C8orf34: variants seen among roughly 807,000 people sequenced by gnomAD.
C8orf34 encodes chromosome 8 open reading frame 34.
In C8orf34, 65 loss-of-function variants were observed where a neutral mutation model predicts 68.3. The observed-to-expected ratio is 0.95, with a 90% CI of 0.78 to 1.17. The LOEUF (loss-of-function observed/expected upper bound fraction) is 1.17, where lower values mean the gene tolerates loss of function less well. C8orf34 is among the 50% of genes most tolerant of loss of function. C8orf34 has a pLI of 0.00. For missense variants in C8orf34, 664 were observed against 655.4 expected, an observed-to-expected ratio of 1.01 and a Z score of -0.14; for synonymous variants, 244 against 241.2, an observed-to-expected ratio of 1.01 and a Z score of -0.11.
At chr8:68,514,871 A>G (rs2129633621) in intron 5 of C8orf34, among the ~76,000 whole-genome samples, 1 of 152,274 alleles carries the variant, frequency 6.6e-6, no homozygotes, top group East Asian at 1.9e-4. Context: ...AGAGAAATAT[A>G]AGAAAATAGA....
chr8:68,672,646 G>A (rs1429288589), intron 8 of C8orf34, among the ~76,000 whole-genome samples: 1 of 152,120 alleles, frequency 6.6e-6, no homozygotes, highest in Non-Finnish European at 1.5e-5. Context: ...GCCTCCATGG[G>A]CTAAATTTCT....
At chr8:68,779,380 G>A (rs375496346) in intron 11 of C8orf34, among the ~76,000 whole-genome samples, 21 of 152,170 alleles carry the variant, frequency 1.4e-4, no homozygotes, top group African/African-American at 4.6e-4. Context: ...ACTGAAGTCA[G>A]TGATTTCATT....
intron 1 of C8orf34, among the ~76,000 whole-genome samples, chr8:68,431,167 G>A (rs1563432862): frequency 6.6e-6 from 1 of 152,098 alleles, no homozygotes; most frequent in Non-Finnish European, 1.5e-5. Flanking sequence ...CTTTTAAGGT[G>A]CATGGAATCA....
At chr8:68,798,431 A>G (rs571146251) in intron 12 of C8orf34, among the ~76,000 whole-genome samples, 2 of 151,830 alleles carry the variant, frequency 1.3e-5, no homozygotes, top group South Asian at 4.1e-4. Context: ...CATTTTCAAC[A>G]TATTATGAGC....
intron 3 of C8orf34, among the ~76,000 whole-genome samples, chr8:68,453,867 A>C (rs1049150957): frequency 6.6e-6 from 1 of 152,006 alleles, no homozygotes; most frequent in Non-Finnish European, 1.5e-5. Context: ...CTTAAGGGAA[A>C]TACTTTTGGT....
chr8:68,804,907 T>C (rs1451683546), intron 12 of C8orf34, among the ~76,000 whole-genome samples: 1 of 152,236 alleles, frequency 6.6e-6, no homozygotes, highest in Non-Finnish European at 1.5e-5. Context: ...CCTTCCTTCT[T>C]AGCTGAGGCT....
intron 8 of C8orf34, among the ~76,000 whole-genome samples, chr8:68,699,066 C>A (rs955831259): frequency 2.6e-5 from 4 of 151,948 alleles, no homozygotes; most frequent in African/African-American, 9.7e-5. Context: ...ACTAGAAACA[C>A]AAATTCTTGG....
At chr8:68,571,058 T>C (rs532590716) in intron 7 of C8orf34, among the ~76,000 whole-genome samples, 1 of 152,208 alleles carries the variant, frequency 6.6e-6, no homozygotes, top group South Asian at 2.1e-4. Context: ...CACTGGGAAA[T>C]GGCACTATTC....
At chr8:68,360,756 CTTTTT>C (rs397955906) in intron 1 of C8orf34, among the ~76,000 whole-genome samples, 1 of 134,756 alleles carries the variant, frequency 7.4e-6, no homozygotes, top group Non-Finnish European at 1.6e-5. Flanking sequence ...TTCTTCCTTT[CTTTTT>C]TTTTTTTTTT....
At chr8:68,503,573 G>A (rs182721017) in intron 5 of C8orf34, among the ~76,000 whole-genome samples, 1 of 152,096 alleles carries the variant, frequency 6.6e-6, no homozygotes, top group Non-Finnish European at 1.5e-5. Flanking sequence ...GAAAGAAGGG[G>A]AGAAGAGAGA....
chr8:68,806,713 T>C (rs773405884), intron 12 of C8orf34, among the ~76,000 whole-genome samples: 1 of 152,228 alleles, frequency 6.6e-6, no homozygotes, highest in Non-Finnish European at 1.5e-5. Flanking sequence ...CTATCGTTTT[T>C]ATATGTTTGG....
intron 6 of C8orf34, among the ~76,000 whole-genome samples, chr8:68,523,750 T>A (rs1586314603): frequency 1.3e-5 from 2 of 152,128 alleles, no homozygotes; most frequent in African/African-American, 4.8e-5. Context: ...TTGATTTGGA[T>A]CAAGCAGAAA....
At chr8:68,424,878 T>C (rs1324052405) in intron 1 of C8orf34, among the ~76,000 whole-genome samples, 3 of 152,076 alleles carry the variant, frequency 2.0e-5, no homozygotes, top group African/African-American at 7.2e-5. Context: ...CCAGCCTGGG[T>C]GACAGAGTGA....
At chr8:68,666,511 T>C (rs1193021272) in intron 8 of C8orf34, among the ~76,000 whole-genome samples, 1 of 152,218 alleles carries the variant, frequency 6.6e-6, no homozygotes, top group Non-Finnish European at 1.5e-5. Flanking sequence ...GTAATTGCTT[T>C]AGCAAATGAT....
intron 1 of C8orf34, among the ~76,000 whole-genome samples, chr8:68,434,553 G>A (rs1810577866): frequency 6.6e-6 from 1 of 152,092 alleles, no homozygotes; most frequent in Non-Finnish European, 1.5e-5. Flanking sequence ...ATCACTGATG[G>A]GCATTTGCAT....
chr8:68,668,839 T>C (rs1819921335), intron 8 of C8orf34, among the ~76,000 whole-genome samples: 1 of 152,156 alleles, frequency 6.6e-6, no homozygotes, highest in Non-Finnish European at 1.5e-5. Context: ...CTCTGTGACC[T>C]GTGAGCAGTT....
intron 7 of C8orf34, among the ~76,000 whole-genome samples, chr8:68,557,205 T>G (rs1234247581): frequency 6.6e-6 from 1 of 152,212 alleles, no homozygotes; most frequent in Non-Finnish European, 1.5e-5. Context: ...GTTTTGTAAT[T>G]AACTTGTTAC....
At position 68,446,363 on chromosome 8, in the gene C8orf34, T is replaced by C; in HGVS notation, c.510T>C (p.Tyr170=). The stretch of plus-strand genomic sequence containing the variant: ...GAACAAGAAGGGATTTCAGAAGCTA[T>C]GATAAACCTTGGCAATTAAATGCAA... ...SKGTRRDFRS[Y]DKPWQLNAKK... Residue 170 remains tyrosine, a synonymous_variant, in exon 3 of 14, where the codon TAT becomes TAC. Coordinates refer to ENST00000518698, the MANE Select transcript of C8orf34 (RefSeq NM_052958.4). 1 of 1,610,174 alleles carries C rather than the reference T, an allele frequency of 6.2e-7. No individual in the cohort carries two copies. Among genetic ancestry groups the C allele is most frequent in the South Asian group, 1.1e-5 (1 of 89,876 alleles).
intron 7 of C8orf34, among the ~76,000 whole-genome samples, chr8:68,623,795 C>A (rs1818455759): frequency 6.6e-6 from 1 of 151,922 alleles, no homozygotes; most frequent in East Asian, 1.9e-4. Context: ...TAATCCTATT[C>A]ATGAGTGTTC....
Sources: allele counts gnomAD v4.1 joint callset (sites outside exome capture counted in the v4.1 genomes callset), GRCh38; gene constraint gnomAD v4.1.1; transcripts MANE v1.5; gene names NCBI Gene and HGNC (gene_info 2026-07-23, HGNC 2026-07-21).